The following NFATC3 variants were observed in gnomAD, a reference collection of about 807,000 sequenced individuals.
NFATC3 encodes the protein nuclear factor of activated T-cells, cytoplasmic 3.
NFATC3 carries 46 observed loss-of-function variants against 98.6 expected under a neutral mutation model. That is an observed-to-expected ratio of 0.47 (90% CI 0.37 to 0.60). The LOEUF (loss-of-function observed/expected upper bound fraction) is 0.60. NFATC3 is among the 20% of genes least tolerant of loss of function. The pLI is 0.00. For synonymous variants in NFATC3, 512 were observed against 472.2 expected, an observed-to-expected ratio of 1.08 and a Z score of -1.09; for missense variants, 1,256 against 1,295.5, an observed-to-expected ratio of 0.97 and a Z score of 0.47.
rs534765456 is a variant in NFATC3 at position 68,115,725 on chromosome 16, G to A, written c.104-6262G>A. ...CAGGCGTGAGCCACCATACCTGGCC[G>A]ATTGTTTTTTTTTGTTGTTGTTGTT... is the stretch of plus-strand genomic sequence containing the variant. On this transcript the variant is annotated intron_variant, in intron 1 of 9. Transcript: ENST00000346183. 4.5e-4 allele frequency among the ~76,000 whole-genome samples: 69 copies of A among 151,804 alleles called. 1 individual carries two copies. The highest frequency in any genetic ancestry group is 5.0e-4 in the Non-Finnish European group (34 of 67,846).
chr16:68,137,187 C>T (rs913989712), intron 3 of NFATC3, among the ~76,000 whole-genome samples: 3 of 152,108 alleles, frequency 2.0e-5, no homozygotes, highest in African/African-American at 7.2e-5. Context: ...AACACAGACA[C>T]GTTGTGCAGC....
At chr16:68,160,044 T>G (rs1383303765) in intron 4 of NFATC3, among the ~76,000 whole-genome samples, 1 of 151,296 alleles carries the variant, frequency 6.6e-6, no homozygotes, top group Non-Finnish European at 1.5e-5. Flanking sequence ...CTCCATTGCA[T>G]CAAGAGCGAA....
chr16:68,180,868 G>T (rs1030857756), intron 6 of NFATC3, among the ~76,000 whole-genome samples: 1 of 152,056 alleles, frequency 6.6e-6, no homozygotes, highest in African/African-American at 2.4e-5. Context: ...TATTCCATGG[G>T]GTATATGTGC....
chr16:68,092,293 T>C (rs1285595998), intron 1 of NFATC3, among the ~76,000 whole-genome samples: 3 of 150,898 alleles, frequency 2.0e-5, no homozygotes, highest in African/African-American at 4.9e-5. Context: ...CTGTCTTTAC[T>C]AAAAATACAA....
intron 6 of NFATC3, among the ~76,000 whole-genome samples, chr16:68,179,307 C>T (rs1259976555): frequency 6.6e-6 from 1 of 152,154 alleles, no homozygotes; most frequent in African/African-American, 2.4e-5. Context: ...CAACTGTTTG[C>T]GTTTGCCTTT....
intron 9 of NFATC3, chr16:68,192,162 C>T (rs1200278255): frequency 7.9e-5 from 11 of 139,034 alleles, no homozygotes; most frequent in African/African-American, 3.1e-4. Context: ...GAGCTAAGAT[C>T]GCGCCATTGC....
At chr16:68,131,664 T>G (rs1390565264) in intron 3 of NFATC3, among the ~76,000 whole-genome samples, 2 of 152,008 alleles carry the variant, frequency 1.3e-5, no homozygotes, top group Non-Finnish European at 2.9e-5. Flanking sequence ...TTTTTTTTTT[T>G]TTAAGTAGAA....
intron 3 of NFATC3, chr16:68,138,693 C>T: frequency 1.6e-6 from 2 of 1,286,790 alleles, no homozygotes; most frequent in Non-Finnish European, 1.0e-6. Flanking sequence ...TACTTACATG[C>T]AGAAGTACTG....
intron 1 of NFATC3, among the ~76,000 whole-genome samples, chr16:68,119,088 T>C (rs2036442262): frequency 6.6e-6 from 1 of 152,148 alleles, no homozygotes; most frequent in South Asian, 2.1e-4. Flanking sequence ...AGCATGGTCG[T>C]GATCTCCTGA....
At chr16:68,094,730 T>G (rs1343692006) in intron 1 of NFATC3, among the ~76,000 whole-genome samples, 2 of 152,232 alleles carry the variant, frequency 1.3e-5, no homozygotes, top group Admixed American at 6.5e-5. Context: ...GTTGACTTTT[T>G]AATCATCCGA....
At chr16:68,120,257 G>C (rs2036500730) in intron 1 of NFATC3, among the ~76,000 whole-genome samples, 2 of 149,354 alleles carry the variant, frequency 1.3e-5, no homozygotes, top group Non-Finnish European at 3.0e-5. Context: ...TCCAGCCTGG[G>C]TGACAGAGCG....
chr16:68,122,746 C>G lies in NFATC3; in HGVS notation c.863C>G (p.Ser288Ter). The G allele has an allele frequency of 6.2e-7, 1 of 1,614,226 alleles. No individual in the cohort carries two copies. The highest frequency in any genetic ancestry group is 8.5e-7 in the Non-Finnish European group (1 of 1,180,036). The change falls in exon 2 of 10, where the codon TCA becomes TGA. Residue 288 changes from serine (S) to a stop codon, truncating the protein, a stop_gained. Coordinates refer to ENST00000346183, the MANE Select transcript of NFATC3 (RefSeq NM_173165.3). LOFTEE classifies it high-confidence loss of function. Reference sequence around the variant, plus strand: ...GAAGTTTGTTATGCTGGGTCCCTTTCACCCCATCACTCACCTGTTCCTTCA... The same window carrying G: ...GAAGTTTGTTATGCTGGGTCCCTTTGACCCCATCACTCACCTGTTCCTTCA... ...SAEVCYAGSL[S>*]PHHSPVPSPG...
intron 3 of NFATC3, among the ~76,000 whole-genome samples, chr16:68,129,527 C>T (rs762178726): frequency 1.3e-4 from 20 of 152,024 alleles, no homozygotes; most frequent in Non-Finnish European, 2.6e-4. Flanking sequence ...GTATATATTT[C>T]CTTTCCCATA....
At chr16:68,182,060 A>C (rs2039971403) in intron 7 of NFATC3, among the ~76,000 whole-genome samples, 1 of 152,224 alleles carries the variant, frequency 6.6e-6, no homozygotes, top group Admixed American at 6.5e-5. Flanking sequence ...GAGAAACTAG[A>C]AATGAAAGAT....
intron 1 of NFATC3, among the ~76,000 whole-genome samples, chr16:68,102,519 T>G (rs2035428684): frequency 6.6e-6 from 1 of 152,172 alleles, no homozygotes; most frequent in African/African-American, 2.4e-5. Flanking sequence ...ATTCCATTGT[T>G]GTTGAAAAGT....
chr16:68,203,316 ATTTAT>A (rs899622151), intron 9 of NFATC3, among the ~76,000 whole-genome samples: 3 of 152,164 alleles, frequency 2.0e-5, no homozygotes, highest in African/African-American at 7.2e-5. Context: ...TGAACAAAAA[ATTTAT>A]TTTAATCAAC....
rs115903271 is a variant in NFATC3, at chr16:68,115,775, T to C, written c.104-6212T>C. On this transcript the variant is annotated intron_variant, in intron 1 of 9. Coordinates refer to ENST00000346183, the MANE Select transcript of NFATC3 (RefSeq NM_173165.3). ...TTGTTTTAAATTTTTTTTCTTTTCC[T>C]GTGAGTTGGGAGTATTATGATGAAT... Among the ~76,000 whole-genome samples, 1,349 of 152,178 alleles carry C rather than the reference T, an allele frequency of 8.9e-3. 24 individuals are homozygous for C. The highest frequency in any genetic ancestry group is 0.031 in the African/African-American group (1,284 of 41,518).
intron 1 of NFATC3, among the ~76,000 whole-genome samples, chr16:68,099,109 T>C (rs112127592): frequency 6.6e-6 from 1 of 152,048 alleles, no homozygotes; most frequent in African/African-American, 2.4e-5. Context: ...TTTTATCATA[T>C]GTAGATTAGT....
At chr16:68,187,883 G>T (rs2040272255) in intron 8 of NFATC3, among the ~76,000 whole-genome samples, 2 of 152,182 alleles carry the variant, frequency 1.3e-5, no homozygotes, top group Admixed American at 1.3e-4. Flanking sequence ...CACCCTGAAG[G>T]TGGGGCTTCA....
Sources: allele counts gnomAD v4.1 joint callset (sites outside exome capture counted in the v4.1 genomes callset), GRCh38; gene constraint gnomAD v4.1.1; transcripts MANE v1.5; gene names NCBI Gene and HGNC (gene_info 2026-07-23, HGNC 2026-07-21).